The following XKR4 variants were observed in gnomAD, a reference collection of about 807,000 sequenced individuals.
XKR4 encodes the protein XK related 4.
A neutral mutation model predicts 53.9 loss-of-function variants in XKR4; 12 were observed. The ratio of observed to expected loss-of-function variants is 0.22; its 90% CI spans 0.14 to 0.36. The LOEUF (loss-of-function observed/expected upper bound fraction) is 0.36, where lower values mean the gene tolerates loss of function less well. Ranked by LOEUF, XKR4 falls within the 10% of genes least tolerant of loss-of-function variation. The probability of loss-of-function intolerance (pLI) is 1.00; values close to 1 mark genes in which losing one functional copy is unlikely to be tolerated. For missense variants in XKR4, 799 were observed against 859.5 expected (o/e 0.93, Z 0.88); for synonymous variants, 354 against 362.4 (o/e 0.98, Z 0.26).
chr8:55,326,468 C>CTTTTTTTTT (rs10666278), intron 1 of XKR4, among the ~76,000 whole-genome samples: 1 of 111,782 alleles, frequency 8.9e-6, no homozygotes, highest in Non-Finnish European at 1.7e-5. Flanking sequence ...ATTTTTTTTC[C>CTTTTTTTTT]TTTTTTTTTT....
chr8:55,460,009 C>A (rs1415019558), intron 2 of XKR4, among the ~76,000 whole-genome samples: 1 of 114,076 alleles, frequency 8.8e-6, no homozygotes. Flanking sequence ...TAGCCAAATG[C>A]TGAAAAAAAA....
At chr8:55,391,841 G>A (rs1410038074) in intron 2 of XKR4, among the ~76,000 whole-genome samples, 2 of 152,072 alleles carry the variant, frequency 1.3e-5, no homozygotes, top group Non-Finnish European at 2.9e-5. Context: ...CCAGTGTTTT[G>A]GCTATACTAA....
intron 1 of XKR4, among the ~76,000 whole-genome samples, chr8:55,351,171 T>TTACCAAATAAC (rs1299099580): frequency 6.6e-6 from 1 of 152,230 alleles, no homozygotes; most frequent in African/African-American, 2.4e-5. Flanking sequence ...TTTTATGTTA[T>TTACCAAATAAC]ATATAGTTTA....
At chr8:55,513,999 G>C (rs555940836) in intron 2 of XKR4, among the ~76,000 whole-genome samples, 61 of 152,270 alleles carry the variant, frequency 4.0e-4, no homozygotes, top group Middle Eastern at 3.4e-3. Context: ...TTATGGCTGT[G>C]TTCTCTCAAT....
chr8:55,490,745 T>C (rs934635398), intron 2 of XKR4, among the ~76,000 whole-genome samples: 1 of 152,252 alleles, frequency 6.6e-6, no homozygotes, highest in Non-Finnish European at 1.5e-5. Context: ...TTTTAAGATT[T>C]TTTTCTCTAT....
At chr8:55,370,204 G>T (rs1247629429) in intron 2 of XKR4, among the ~76,000 whole-genome samples, 1 of 152,108 alleles carries the variant, frequency 6.6e-6, no homozygotes, top group Non-Finnish European at 1.5e-5. Context: ...ATGTCAAATT[G>T]GTCATTTTGA....
At position 55,524,331 on chromosome 8, in the gene XKR4, T is replaced by C; in HGVS notation, c.*104T>C. 8.7e-7 allele frequency: 1 copy of C among 1,149,216 alleles called. No individual in the cohort carries two copies. The allele number at this position is 1,149,216 out of a possible 1,614,324, so 71.2% of individuals were successfully genotyped here. ...TAGAGCAGGGCAGTGAGCCGTGAAG[T>C]TCCTAGTGGGACCGTCATCACCATT... On this transcript the variant is annotated 3_prime_UTR_variant, in exon 3 of 3. Coordinates refer to ENST00000327381, the MANE Select transcript of XKR4 (RefSeq NM_052898.2).
At chr8:55,404,861 T>G (rs753359751) in intron 2 of XKR4, among the ~76,000 whole-genome samples, 1 of 152,168 alleles carries the variant, frequency 6.6e-6, no homozygotes, top group Non-Finnish European at 1.5e-5. Flanking sequence ...ACAAAGTGTG[T>G]TTGGATTCCA....
chr8:55,266,642 G>A (rs1818605977), intron 1 of XKR4, among the ~76,000 whole-genome samples: 1 of 152,102 alleles, frequency 6.6e-6, no homozygotes, highest in African/African-American at 2.4e-5. Context: ...TCAAGTATGA[G>A]ATCAAAAATG....
chr8:55,246,369 G>C (rs781721066), intron 1 of XKR4, among the ~76,000 whole-genome samples: 1 of 152,146 alleles, frequency 6.6e-6, no homozygotes, highest in Non-Finnish European at 1.5e-5. Flanking sequence ...CTTATCACAA[G>C]GCAGTATGAT....
chr8:55,128,433 G>A (rs577796745), intron 1 of XKR4, among the ~76,000 whole-genome samples: 34 of 152,316 alleles, frequency 2.2e-4, no homozygotes, highest in African/African-American at 6.7e-4. Context: ...CTCACAGGCT[G>A]CTGAGCTGGC....
chr8:55,174,148 TA>T lies in XKR4; in HGVS notation c.806+70863del, dbSNP rs200266040. Among the ~76,000 whole-genome samples, 1,089 of 151,480 alleles carry T rather than the reference TA, an allele frequency of 7.2e-3. 13 individuals are homozygous for T. The highest frequency in any genetic ancestry group is 0.025 in the African/African-American group (1,013 of 41,332). ...ATTAAAATGTTTTTATATGATCATT[TA>T]AAAAAAAAGAATGCAAATGCTTAGT... On this transcript the variant is annotated intron_variant, in intron 1 of 2. Transcript: ENST00000327381.
intron 1 of XKR4, among the ~76,000 whole-genome samples, chr8:55,195,461 A>G (rs1185990911): frequency 6.7e-6 from 1 of 150,144 alleles, no homozygotes; most frequent in African/African-American, 2.4e-5. Context: ...AGTATAATAT[A>G]TAGCCTAAAT....
intron 1 of XKR4, among the ~76,000 whole-genome samples, chr8:55,344,065 G>A (rs192585894): frequency 2.9e-4 from 44 of 152,220 alleles, no homozygotes; most frequent in African/African-American, 8.9e-4. Context: ...GATGTGCACT[G>A]CTTCTGGACA....
At chr8:55,398,406 T>C (rs977660199) in intron 2 of XKR4, among the ~76,000 whole-genome samples, 1 of 152,164 alleles carries the variant, frequency 6.6e-6, no homozygotes, top group Non-Finnish European at 1.5e-5. Flanking sequence ...GCAGATATCA[T>C]TTTATATATT....
At chr8:55,429,604 A>T (rs1805071154) in intron 2 of XKR4, among the ~76,000 whole-genome samples, 1 of 151,938 alleles carries the variant, frequency 6.6e-6, no homozygotes, top group African/African-American at 2.4e-5. Context: ...CATACCAGCT[A>T]CTCTGGAGGC....
intron 1 of XKR4, among the ~76,000 whole-genome samples, chr8:55,253,736 T>TA (rs200509608): frequency 1.4e-5 from 2 of 147,356 alleles, no homozygotes; most frequent in African/African-American, 5.0e-5. Context: ...CTTTTCTTTT[T>TA]TTTTTTTTTT....
intron 2 of XKR4, among the ~76,000 whole-genome samples, chr8:55,376,490 C>A (rs1370830896): frequency 6.6e-6 from 1 of 152,068 alleles, no homozygotes; most frequent in Non-Finnish European, 1.5e-5. Flanking sequence ...TGATGTTGAG[C>A]TTTTTTTAAG....
chr8:55,305,967 T>C (rs1819292970), intron 1 of XKR4, among the ~76,000 whole-genome samples: 1 of 152,182 alleles, frequency 6.6e-6, no homozygotes, highest in African/African-American at 2.4e-5. Context: ...CCAAGAAATG[T>C]AGGTAAATTG....
Sources: allele counts gnomAD v4.1 joint callset (sites outside exome capture counted in the v4.1 genomes callset), GRCh38; gene constraint gnomAD v4.1.1; transcripts MANE v1.5; gene names NCBI Gene and HGNC (gene_info 2026-07-23, HGNC 2026-07-21).